The following CHN2 variants were observed in gnomAD, a reference collection of about 807,000 sequenced individuals.
CHN2 encodes beta-chimaerin.
Under a neutral mutation model 56.3 loss-of-function variants are expected in CHN2, and 35 were observed. The ratio of observed to expected loss-of-function variants is 0.62; its 90% CI spans 0.47 to 0.82. The LOEUF (loss-of-function observed/expected upper bound fraction) is 0.82, where lower values mean the gene tolerates loss of function less well. CHN2 is among the 40% of genes least tolerant of loss of function. The pLI is 0.00. For synonymous variants in CHN2, 210 were observed against 212.8 expected (o/e 0.99, Z 0.12); for missense variants, 491 against 580.5 (o/e 0.85, Z 1.58).
chr7:29,396,002 C>A (rs1322121597), intron 4 of CHN2, among the ~76,000 whole-genome samples: 1 of 152,020 alleles, frequency 6.6e-6, no homozygotes, highest in Non-Finnish European at 1.5e-5. Context: ...ATCCTGATTA[C>A]CCTGATTTGA....
chr7:29,264,040 G>A (rs1461114693), intron 1 of CHN2, among the ~76,000 whole-genome samples: 2 of 150,440 alleles, frequency 1.3e-5, no homozygotes, highest in East Asian at 2.0e-4. Flanking sequence ...GTGGGGGGTG[G>A]GGGGCAGCCC....
intron 1 of CHN2, among the ~76,000 whole-genome samples, chr7:29,321,340 A>G (rs577064872): frequency 7.9e-5 from 12 of 152,252 alleles, no homozygotes; most frequent in African/African-American, 1.9e-4. Flanking sequence ...CGCACATGCC[A>G]GGGACCGGGC....
intron 7 of CHN2, among the ~76,000 whole-genome samples, chr7:29,485,982 C>A (rs1053707092): frequency 2.0e-5 from 3 of 152,002 alleles, no homozygotes; most frequent in South Asian, 2.1e-4. Flanking sequence ...AAAGTTCTAA[C>A]CCCCCTCACT....
chr7:29,432,345 T>A (rs1782914376), intron 6 of CHN2, among the ~76,000 whole-genome samples: 1 of 152,206 alleles, frequency 6.6e-6, no homozygotes, highest in African/African-American at 2.4e-5. Context: ...GGGGTCCAAG[T>A]TCCCACAAGG....
In CHN2 at chr7:29,392,024, G is replaced by C. The variant is rs1473883104; in HGVS notation, c.145-1655G>C. ...GAAGATACAGGAAGGGAATAGGGTT[G>C]AGAGCTACACCCAGATTTTGCAAAC... On this transcript the variant is annotated intron_variant, in intron 3 of 12. Transcript: ENST00000222792. Among the ~76,000 whole-genome samples, 3 of 152,200 alleles carry C rather than the reference G, an allele frequency of 2.0e-5. No homozygotes were observed. In the East Asian group the frequency reaches 5.8e-4, roughly 29 times the overall value.
At chr7:29,151,640 T>G (rs558980430) in intron 2 of CHN2, among the ~76,000 whole-genome samples, 2 of 152,316 alleles carry the variant, frequency 1.3e-5, no homozygotes, top group East Asian at 3.9e-4. Context: ...ATATTGATAT[T>G]ATGATGAACC....
chr7:29,243,446 G>A (rs564244726), intron 1 of CHN2, among the ~76,000 whole-genome samples: 1 of 152,172 alleles, frequency 6.6e-6, no homozygotes, highest in African/African-American at 2.4e-5. Flanking sequence ...TTTCCAAGGG[G>A]ATTCTATGGG....
chr7:29,241,505 C>A (rs1476313603), intron 1 of CHN2, among the ~76,000 whole-genome samples: 1 of 152,032 alleles, frequency 6.6e-6, no homozygotes, highest in Admixed American at 6.5e-5. Flanking sequence ...TGGGGACCCT[C>A]TCCCGCCTGG....
At chr7:29,376,835 A>G (rs541136698) in intron 3 of CHN2, among the ~76,000 whole-genome samples, 22 of 152,172 alleles carry the variant, frequency 1.4e-4, no homozygotes, top group African/African-American at 5.3e-4. Context: ...TGCTATTTCT[A>G]ACTTTCCTGT....
intron 7 of CHN2, among the ~76,000 whole-genome samples, chr7:29,482,478 A>G (rs1787366104): frequency 6.6e-6 from 1 of 152,174 alleles, no homozygotes; most frequent in South Asian, 2.1e-4. Flanking sequence ...GAACATTCAA[A>G]AAGCAGGCTC....
chr7:29,189,307 G>A (rs1799114074), intron 2 of CHN2, among the ~76,000 whole-genome samples: 1 of 152,092 alleles, frequency 6.6e-6, no homozygotes, highest in Admixed American at 6.5e-5. Flanking sequence ...CACATAATGA[G>A]TGTTTAGTCA....
chr7:29,470,765 C>T (rs967952878), intron 6 of CHN2, among the ~76,000 whole-genome samples: 2 of 152,170 alleles, frequency 1.3e-5, no homozygotes, highest in Non-Finnish European at 2.9e-5. Flanking sequence ...CCTGAGTGAG[C>T]GGAGCTTGAG....
Position 29,233,873 on chromosome 7 carries a change from G to A in CHN2, c.49+38883G>A, listed in dbSNP as rs1209389682. On this transcript the variant is annotated intron_variant, in intron 1 of 12. Coordinates refer to ENST00000222792, the MANE Select transcript of CHN2 (RefSeq NM_004067.4). ...TTTTGAGATGGAGTCTCGCTCTGTC[G>A]CCCAGGCTGGAGTGCAGTGGCGGGA... Among the ~76,000 whole-genome samples, 30 of 100,354 alleles carry A rather than the reference G, an allele frequency of 3.0e-4. No homozygotes were observed. In the Admixed American group the frequency reaches 4.5e-3, roughly 15 times the overall value. The allele number at this position is 100,354 out of a possible 152,430, so 65.8% of individuals were successfully genotyped here. A position where few individuals can be genotyped will look rare whatever the true frequency, so the allele number is the denominator to read the frequency against.
chr7:29,362,064 G>T (rs1798780140), intron 2 of CHN2, among the ~76,000 whole-genome samples: 1 of 152,192 alleles, frequency 6.6e-6, no homozygotes, highest in Non-Finnish European at 1.5e-5. Flanking sequence ...AACAGATCTG[G>T]GGGCCCCTGG....
rs140638672 is a variant in CHN2, at chr7:29,499,881, G to A, written c.754G>A (p.Val252Ile). 6.1e-5 allele frequency: 98 copies of A among 1,597,844 alleles called. No homozygotes were observed. Among genetic ancestry groups the A allele is most frequent in the African/African-American group, 1.2e-4 (9 of 74,200 alleles). The change falls in exon 9 of 13, where the codon GTA (valine) becomes ATA (isoleucine). Residue 252 changes from valine (V) to isoleucine (I), a missense_variant. Transcript: ENST00000222792. Reference protein sequence around the residue: ...GVRCSDCGLNVHKQCSKHVPN... With the variant: ...GVRCSDCGLNIHKQCSKHVPN... The stretch of plus-strand genomic sequence containing the variant: ...TTTGTTTACAGACTGTGGATTGAAC[G>A]TACACAAACAGTGTTCCAAGCACGT...
intron 2 of CHN2, among the ~76,000 whole-genome samples, chr7:29,154,856 G>T (rs1355359067): frequency 6.6e-6 from 1 of 152,102 alleles, no homozygotes; most frequent in Non-Finnish European, 1.5e-5. Context: ...TCACACTGCT[G>T]ATAAAGACAT....
chr7:29,493,283 A>G (rs989144377), intron 7 of CHN2, among the ~76,000 whole-genome samples: 1 of 152,124 alleles, frequency 6.6e-6, no homozygotes, highest in East Asian at 1.9e-4. Flanking sequence ...AGTAGGCCCT[A>G]CCATCTAGGT....
At chr7:29,268,518 T>C (rs112626723) in intron 1 of CHN2, among the ~76,000 whole-genome samples, 1 of 144,174 alleles carries the variant, frequency 6.9e-6, no homozygotes, top group Non-Finnish European at 1.5e-5. Context: ...GCACCAATTC[T>C]CAGGGAAGGC....
chr7:29,156,969 C>T (rs1404970641), intron 2 of CHN2, among the ~76,000 whole-genome samples: 8 of 152,138 alleles, frequency 5.3e-5, no homozygotes, highest in Admixed American at 1.3e-4. Context: ...AGCTACCCTT[C>T]GAGCTCAATT....
Sources: gnomAD v4.1 joint callset for allele counts (sites outside exome capture counted in the v4.1 genomes callset) on GRCh38, gnomAD v4.1.1 for gene constraint, MANE v1.5 for transcripts, NCBI Gene and HGNC (gene_info 2026-07-23, HGNC 2026-07-21) for gene names.